The following METTL25 variants were observed in gnomAD, a reference collection of about 807,000 sequenced individuals.
The protein encoded by METTL25 is methyltransferase like 25, also known as probable methyltransferase-like protein 25.
Under a neutral mutation model 71.6 loss-of-function variants are expected in METTL25, and 64 were observed. The observed-to-expected ratio is 0.89, with a 90% CI of 0.73 to 1.10. METTL25 has a LOEUF of 1.10. Among genes scored for constraint, METTL25 ranks in the 50% least tolerant of loss-of-function variants. The pLI is 0.00. For missense variants in METTL25, 807 were observed against 707.0 expected, an observed-to-expected ratio of 1.14 and a Z score of -1.60; for synonymous variants, 287 against 250.3, an observed-to-expected ratio of 1.15 and a Z score of -1.38.
intron 3 of METTL25, among the ~76,000 whole-genome samples, chr12:82,393,640 G>C (rs1045895945): frequency 6.6e-6 from 1 of 151,944 alleles, no homozygotes; most frequent in Non-Finnish European, 1.5e-5. Context: ...GCTCTGGCTA[G>C]GACCTCCAAT....
chr12:82,358,969 A>G, intron 1 of METTL25, 145 bp downstream of exon 1: 1 of 778,516 alleles, frequency 1.3e-6, no homozygotes, highest in East Asian at 2.8e-5. Flanking sequence ...GAGGGGTCGG[A>G]TTAGTTGAGG....
intron 5 of METTL25, among the ~76,000 whole-genome samples, chr12:82,404,613 G>T (rs1189994202): frequency 6.6e-6 from 1 of 152,058 alleles, no homozygotes; most frequent in Non-Finnish European, 1.5e-5. Context: ...TAGGTACAAT[G>T]AAATTCAATT....
intron 2 of METTL25, 134 bp downstream of exon 2, chr12:82,387,101 T>C: frequency 1.4e-6 from 1 of 705,470 alleles, no homozygotes; most frequent in South Asian, 2.7e-5. Flanking sequence ...ACAAATTAAC[T>C]ATTGTTTAGA....
chr12:82,403,220 C>A, intron 5 of METTL25, 90 bp downstream of exon 5: 1 of 1,271,766 alleles, frequency 7.9e-7, no homozygotes, highest in Non-Finnish European at 1.1e-6. Flanking sequence ...GTTTTTTCGT[C>A]ATTACCATGA....
intron 8 of METTL25, chr12:82,439,762 C>G (rs1890184959): frequency 2.2e-6 from 1 of 452,110 alleles, no homozygotes; most frequent in Admixed American, 6.4e-5. Flanking sequence ...TATATTTACC[C>G]TAAGATGCTA....
At chr12:82,444,039 AC>A (rs1268651360) in intron 8 of METTL25, among the ~76,000 whole-genome samples, 1 of 152,148 alleles carries the variant, frequency 6.6e-6, no homozygotes, top group African/African-American at 2.4e-5. Context: ...AATACAGAAA[AC>A]TTTTAAACTC....
At chr12:82,435,242 C>T (rs1565863303) in intron 7 of METTL25, among the ~76,000 whole-genome samples, 1 of 151,284 alleles carries the variant, frequency 6.6e-6, no homozygotes, top group Non-Finnish European at 1.5e-5. Flanking sequence ...ATTCAGGAAA[C>T]ATTAAGATTT....
At chr12:82,449,315 G>T (rs1419397508) in intron 8 of METTL25, among the ~76,000 whole-genome samples, 2 of 152,006 alleles carry the variant, frequency 1.3e-5, no homozygotes, top group African/African-American at 2.4e-5. Context: ...AACTATTATT[G>T]TGGCATTCAA....
chr12:82,425,108 G>A (rs1888907077), intron 5 of METTL25, among the ~76,000 whole-genome samples: 1 of 152,006 alleles, frequency 6.6e-6, no homozygotes, highest in Admixed American at 6.6e-5. Context: ...GTATAGTTAG[G>A]GGAAGAGTAT....
At chr12:82,427,985 T>C (rs746167691) in intron 5 of METTL25, among the ~76,000 whole-genome samples, 8 of 151,954 alleles carry the variant, frequency 5.3e-5, no homozygotes, top group Non-Finnish European at 8.8e-5. Flanking sequence ...TACCAAAAAG[T>C]CTTACAGGAA....
In METTL25 at chr12:82,430,910, T is replaced by G; in HGVS notation, c.1297T>G (p.Trp433Gly). 6.3e-7 allele frequency: 1 copy of G among 1,592,916 alleles called. No individual in the cohort carries two copies. ...NQHKERTQEK[W>G]GFPMCHYLKE... is the part of the protein sequence containing the mutation. ...ATCTGCAGAACGTACTCAGGAAAAG[T>G]GGGGATTTCCAATGTGCCACTATTT... Residue 433 changes from tryptophan (W) to glycine (G), a missense_variant, in exon 6 of 12, where the codon TGG (tryptophan) becomes GGG (glycine). Coordinates refer to ENST00000248306, the MANE Select transcript of METTL25 (RefSeq NM_032230.3).
Position 82,477,376 on chromosome 12 carries a change from C to T in METTL25, c.1719+24C>T, listed in dbSNP as rs74106545. 3,160 of 1,259,102 alleles carry T rather than the reference C, an allele frequency of 2.5e-3. 69 individuals carry two copies. The African/African-American group carries it at 0.042, about 17-fold the overall frequency. 78.0% of individuals were successfully genotyped at this position (1,259,102 alleles called of 1,614,324 possible). ...AGGTAAATTATGTTATTTTAAAATA[C>T]ACAACAAATATCTTATTAAATACAG... is the stretch of plus-strand genomic sequence containing the variant. On this transcript the variant is annotated intron_variant, in intron 11 of 11. Transcript: ENST00000248306.
intron 5 of METTL25, among the ~76,000 whole-genome samples, chr12:82,425,206 C>A (rs910194496): frequency 1.3e-5 from 2 of 151,996 alleles, no homozygotes; most frequent in African/African-American, 4.8e-5. Flanking sequence ...TTATTATGCC[C>A]ACCTTGTGCT....
intron 5 of METTL25, among the ~76,000 whole-genome samples, chr12:82,422,792 C>T (rs1888638034): frequency 6.6e-6 from 1 of 152,140 alleles, no homozygotes; most frequent in Non-Finnish European, 1.5e-5. Context: ...AACTCCCATT[C>T]ACAATTGCTT....
chr12:82,470,594 A>G (rs941905843), intron 9 of METTL25, among the ~76,000 whole-genome samples: 2 of 152,172 alleles, frequency 1.3e-5, no homozygotes, highest in African/African-American at 2.4e-5. Context: ...GGAAAAGAGG[A>G]AAGAATAGGA....
chr12:82,402,940 C>G, intron 4 of METTL25, 43 bp from the exon 5 acceptor site: 3 of 1,483,598 alleles, frequency 2.0e-6, no homozygotes, highest in South Asian at 1.2e-5. Flanking sequence ...AAACAACCCT[C>G]TTTTTAATTA....
At chr12:82,441,361 C>T (rs114904406) in intron 8 of METTL25, among the ~76,000 whole-genome samples, 1,531 of 151,336 alleles carry the variant, frequency 0.01, 18 homozygotes, top group African/African-American at 0.036. Context: ...AACAAGACAA[C>T]ATGACCAAAA....
chr12:82,458,153 A>G (rs1023481061), intron 9 of METTL25, among the ~76,000 whole-genome samples: 1 of 152,082 alleles, frequency 6.6e-6, no homozygotes, highest in African/African-American at 2.4e-5. Flanking sequence ...ATTTATTAGT[A>G]TATAACTAAT....
At chr12:82,470,148 C>A (rs1236669303) in intron 9 of METTL25, among the ~76,000 whole-genome samples, 1 of 152,128 alleles carries the variant, frequency 6.6e-6, no homozygotes, top group Non-Finnish European at 1.5e-5. Context: ...ATTTAAAAAT[C>A]AAATCTGATT....
Sources: allele counts gnomAD v4.1 joint callset (sites outside exome capture counted in the v4.1 genomes callset), GRCh38; gene constraint gnomAD v4.1.1; transcripts MANE v1.5; gene names NCBI Gene and HGNC (gene_info 2026-07-23, HGNC 2026-07-21).